HNF1B: variants seen among roughly 807,000 people sequenced by gnomAD.
HNF1B encodes hepatocyte nuclear factor 1-beta.
HNF1B carries 8 observed loss-of-function variants against 61.7 expected under a neutral mutation model. That is an observed-to-expected ratio of 0.13 (90% CI 0.08 to 0.23). HNF1B has a LOEUF of 0.23. HNF1B is among the 10% of genes least tolerant of loss of function. The probability of loss-of-function intolerance (pLI) is 1.00; values close to 1 mark genes in which losing one functional copy is unlikely to be tolerated. For missense variants in HNF1B, 562 were observed against 714.5 expected, an observed-to-expected ratio of 0.79 and a Z score of 2.43; for synonymous variants, 314 against 287.7, an observed-to-expected ratio of 1.09 and a Z score of -0.93.
At chr17:37,714,480 T>C (rs758052077) in intron 4 of HNF1B, among the ~76,000 whole-genome samples, 3 of 152,198 alleles carry the variant, frequency 2.0e-5, no homozygotes, top group Non-Finnish European at 2.9e-5. Flanking sequence ...GAAATGACAG[T>C]GGCAGATGGT....
intron 4 of HNF1B, among the ~76,000 whole-genome samples, chr17:37,712,864 A>G (rs1302679633): frequency 6.6e-6 from 1 of 152,160 alleles, no homozygotes. Flanking sequence ...TGCTGTGGGG[A>G]GGAAGCTGGT....
At position 37,699,103 on chromosome 17, in the gene HNF1B, T is replaced by A; in HGVS notation, c.1626A>T (p.Thr542=). Residue 542 remains threonine, a synonymous_variant, in exon 8 of 9, where the codon ACA becomes ACT. Transcript: ENST00000617811. ...MVVTDTSSIS[T]LTNMSSSKQC... is the part of the protein sequence containing the mutation. ...GTTTACTTGAAGACATGTTGGTGAG[T>A]GTACTGATGCTGCTGGTATCTGTGA... is the stretch of plus-strand genomic sequence containing the variant. 1 of 1,613,770 alleles carries A rather than the reference T, an allele frequency of 6.2e-7. No individual in the cohort carries two copies. The highest frequency in any genetic ancestry group is 1.1e-5 in the South Asian group (1 of 91,078).
intron 5 of HNF1B, 106 bp downstream of exon 5, chr17:37,710,397 T>C: frequency 3.5e-6 from 5 of 1,429,336 alleles, no homozygotes. Context: ...TTTTCCCCTA[T>C]GGGGCTACAA....
rs1297028077 is a variant in HNF1B at position 37,733,539 on chromosome 17, A to G, written c.809+18T>C. On this transcript the variant is annotated intron_variant, in intron 3 of 8. Coordinates refer to ENST00000617811, the MANE Select transcript of HNF1B (RefSeq NM_000458.4). ...GTGTACTTGCCCACCTGCCCAGGTG[A>G]GCTTCTGGTGGTGTTACCTGTTGCA... is the stretch of plus-strand genomic sequence containing the variant. 1.9e-6 allele frequency: 3 copies of G among 1,613,920 alleles called. No individual in the cohort carries two copies. In the South Asian group the frequency reaches 3.3e-5, roughly 18 times the overall value.
chr17:37,740,499 G>A (rs934830603), intron 1 of HNF1B, among the ~76,000 whole-genome samples: 2 of 152,180 alleles, frequency 1.3e-5, no homozygotes, highest in African/African-American at 2.4e-5. Context: ...AAATGTATGT[G>A]TTCACCTTCT....
At chr17:37,704,531 A>G (rs2032675259) in intron 6 of HNF1B, among the ~76,000 whole-genome samples, 1 of 152,364 alleles carries the variant, frequency 6.6e-6, no homozygotes, top group Non-Finnish European at 1.5e-5. Context: ...AATGAACTCA[A>G]GACAAAGTGT....
At chr17:37,744,496 C>T (rs573376642) in intron 1 of HNF1B, 45 bp downstream of exon 1, 1 of 1,582,942 alleles carries the variant, frequency 6.3e-7, no homozygotes, top group Non-Finnish European at 8.6e-7. Context: ...GGGGCCGGGG[C>T]TCCAGGGGTT....
chr17:37,739,445 A>C lies in HNF1B; in HGVS notation c.539T>G (p.Leu180Arg), dbSNP rs2033925928. The change falls in exon 2 of 9, where the codon CTC (leucine) becomes CGC (arginine). Residue 180 changes from leucine (L) to arginine (R), a missense_variant. This residue lies in a region of HNF1B where 69 missense variants were observed against 81.2 expected (regional missense o/e 0.85). Coordinates refer to ENST00000617811, the MANE Select transcript of HNF1B (RefSeq NM_000458.4). ...GGCAGGATGAAAACACTTACGTCGG[A>C]GGATCTCTCGTTGCTTTCTGACGTA... ...TWYVRKQREI[L>R]RQFNQTVQSS... The C allele has an allele frequency of 2.5e-6, 4 of 1,613,996 alleles. No homozygotes were observed. The highest frequency in any genetic ancestry group is 2.5e-6 in the Non-Finnish European group (3 of 1,180,000).
chr17:37,713,515 A>G (rs2033004562), intron 4 of HNF1B, among the ~76,000 whole-genome samples: 2 of 152,230 alleles, frequency 1.3e-5, no homozygotes, highest in Non-Finnish European at 2.9e-5. Flanking sequence ...AAACTTTATT[A>G]TATAAGAAAT....
intron 4 of HNF1B, among the ~76,000 whole-genome samples, chr17:37,716,834 C>T (rs1247893950): frequency 1.4e-5 from 2 of 145,772 alleles, no homozygotes; most frequent in Admixed American, 7.1e-5. Context: ...CCTCTAGACA[C>T]TTTAACAATC....
At chr17:37,721,950 C>G (rs552278391) in intron 4 of HNF1B, among the ~76,000 whole-genome samples, 2 of 152,226 alleles carry the variant, frequency 1.3e-5, no homozygotes, top group East Asian at 3.9e-4. Context: ...AGCTGGGACT[C>G]TACGTGAATC....
At chr17:37,737,671 CAA>C (rs71759311) in intron 2 of HNF1B, among the ~76,000 whole-genome samples, 1 of 142,846 alleles carries the variant, frequency 7.0e-6, no homozygotes, top group Non-Finnish European at 1.5e-5. Context: ...CTAAAAATAC[CAA>C]AAAAAAAAAA....
At chr17:37,743,792 G>C (rs1055520916) in intron 1 of HNF1B, among the ~76,000 whole-genome samples, 1 of 152,228 alleles carries the variant, frequency 6.6e-6, no homozygotes, top group Non-Finnish European at 1.5e-5. Flanking sequence ...TGGGCAGCGA[G>C]GTCTGGAAAC....
chr17:37,730,268 T>TTTGCCAC (rs2033643457), intron 4 of HNF1B: 1 of 152,764 alleles, frequency 6.5e-6, no homozygotes, highest in Admixed American at 6.5e-5. Context: ...CCATGTGCCA[T>TTTGCCAC]TTGCCACAAC....
intron 7 of HNF1B, among the ~76,000 whole-genome samples, chr17:37,700,022 T>C (rs2032512551): frequency 6.6e-6 from 1 of 152,278 alleles, no homozygotes; most frequent in African/African-American, 2.4e-5. Context: ...TTCATATTCA[T>C]AATGACTCTA....
chr17:37,696,032 A>G (rs1269201960), intron 8 of HNF1B, among the ~76,000 whole-genome samples: 1 of 152,174 alleles, frequency 6.6e-6, no homozygotes, highest in Non-Finnish European at 1.5e-5. Flanking sequence ...TGTCCCCTCC[A>G]AATCTCATGT....
At position 37,732,117 on chromosome 17, in the gene HNF1B, G is replaced by A. The variant is rs182795192; in HGVS notation, c.810-287C>T. The stretch of plus-strand genomic sequence containing the variant: ...GCTCTCGAGGAGAAGAGAGCAAGCC[G>A]GGGACAGGCAGTCCAGGGGAAGGTC... On this transcript the variant is annotated intron_variant, in intron 3 of 8. Transcript: ENST00000617811. 8.5e-5 allele frequency among the ~76,000 whole-genome samples: 13 copies of A among 152,246 alleles called. No homozygotes were observed. The East Asian group carries it at 9.7e-4, about 11-fold the overall frequency.
chr17:37,692,882 CT>C (rs765982263), intron 8 of HNF1B, among the ~76,000 whole-genome samples: 2 of 152,082 alleles, frequency 1.3e-5, no homozygotes, highest in Non-Finnish European at 2.9e-5. Context: ...AGACCAAGCA[CT>C]GAATTGGATA....
chr17:37,689,547 T>C (rs35551980), intron 8 of HNF1B, among the ~76,000 whole-genome samples: 49,070 of 152,114 alleles, frequency 0.32, 8,032 homozygotes, highest in Admixed American at 0.4. Flanking sequence ...TTTGCCTCCT[T>C]CAGAGTCTAA....
Sources: gnomAD v4.1 joint callset for allele counts (sites outside exome capture counted in the v4.1 genomes callset) on GRCh38, gnomAD v4.1.1 for gene constraint, gnomAD v4.1.1 regional missense constraint, MANE v1.5 for transcripts, NCBI Gene and HGNC (gene_info 2026-07-23, HGNC 2026-07-21) for gene names.